PTPRQ: variants seen among roughly 807,000 people sequenced by gnomAD.
PTPRQ encodes phosphatidylinositol phosphatase PTPRQ.
Under a neutral mutation model 246.0 loss-of-function variants are expected in PTPRQ, and 199 were observed. That is an observed-to-expected ratio of 0.81 (90% confidence interval 0.72 to 0.91). The LOEUF is 0.91. Among genes scored for constraint, PTPRQ ranks in the 40% least tolerant of loss-of-function variants. The probability of loss-of-function intolerance (pLI) is 0.00; values close to 1 mark genes in which losing one functional copy is unlikely to be tolerated. For missense variants in PTPRQ, 2,624 were observed against 2,528.4 expected (o/e 1.04, Z -0.81); for synonymous variants, 869 against 853.2 (o/e 1.02, Z -0.32).
At chr12:80,654,865 AT>A (rs1900380393) in intron 38 of PTPRQ, among the ~76,000 whole-genome samples, 1 of 151,626 alleles carries the variant, frequency 6.6e-6, no homozygotes, top group Admixed American at 6.6e-5. Flanking sequence ...ATCTCAAAAA[AT>A]AATAATAATA....
chr12:80,631,638 T>C (rs1899439104), intron 33 of PTPRQ, among the ~76,000 whole-genome samples: 1 of 152,184 alleles, frequency 6.6e-6, no homozygotes, highest in Non-Finnish European at 1.5e-5. Context: ...ATAGTTTCTT[T>C]GGTGAAAATT....
At chr12:80,505,779 A>C (rs1469486854) in intron 14 of PTPRQ, among the ~76,000 whole-genome samples, 1 of 151,946 alleles carries the variant, frequency 6.6e-6, no homozygotes, top group African/African-American at 2.4e-5. Flanking sequence ...ATTTTAGTAA[A>C]CGTATCATCT....
intron 8 of PTPRQ, among the ~76,000 whole-genome samples, chr12:80,477,519 G>GA (rs1243300829): frequency 1.3e-5 from 2 of 152,148 alleles, no homozygotes; most frequent in African/African-American, 4.8e-5. Flanking sequence ...ACAATGTTTA[G>GA]AAATTTAGGC....
intron 25 of PTPRQ, among the ~76,000 whole-genome samples, chr12:80,574,803 G>A (rs2120970248): frequency 1.3e-5 from 2 of 152,252 alleles, no homozygotes; most frequent in South Asian, 4.1e-4. Flanking sequence ...GTGTATGTGT[G>A]CATGCACACT....
chr12:80,515,567 C>T (rs2120734834), intron 17 of PTPRQ, among the ~76,000 whole-genome samples: 1 of 151,634 alleles, frequency 6.6e-6, no homozygotes, highest in Non-Finnish European at 1.5e-5. Flanking sequence ...ATTACAGGTG[C>T]CCATTACCAC....
chr12:80,576,662 TC>T (rs1431165011), intron 25 of PTPRQ, among the ~76,000 whole-genome samples: 1 of 152,016 alleles, frequency 6.6e-6, no homozygotes, highest in African/African-American at 2.4e-5. Flanking sequence ...TTTTTTTTTT[TC>T]CTATTCTACT....
At chr12:80,452,379 T>G (rs1892794837) in intron 3 of PTPRQ, among the ~76,000 whole-genome samples, 1 of 152,190 alleles carries the variant, frequency 6.6e-6, no homozygotes, top group Non-Finnish European at 1.5e-5. Flanking sequence ...AAGTCAATAT[T>G]GTTATGTGTG....
At chr12:80,661,435 G>A (rs965788000) in intron 39 of PTPRQ, among the ~76,000 whole-genome samples, 8 of 149,678 alleles carry the variant, frequency 5.3e-5, no homozygotes, top group Non-Finnish European at 1.0e-4. Flanking sequence ...TTGTAATTTT[G>A]GAATAATTAT....
chr12:80,481,743 A>G (rs538515094), intron 8 of PTPRQ, among the ~76,000 whole-genome samples: 1 of 152,214 alleles, frequency 6.6e-6, no homozygotes, highest in East Asian at 1.9e-4. Context: ...AGACAAACAG[A>G]GAGCCAAATC....
chr12:80,506,070 T>C lies in PTPRQ; in HGVS notation c.2319T>C (p.Ser773=). 6.5e-7 allele frequency: 1 copy of C among 1,547,310 alleles called. No individual in the cohort carries two copies. The highest frequency in any genetic ancestry group is 8.7e-7 in the Non-Finnish European group (1 of 1,145,056). ...PENITYKNIS[S]GEIELSFLPP... ...ATATCACTTACAAAAATATTTCTTC[T>C]GGAGAGATTGAGCTATCATTCCTTC... The change falls in exon 15 of 45, where the codon TCT becomes TCC. Residue 773 remains serine, a synonymous_variant. Coordinates refer to ENST00000644991, the MANE Select transcript of PTPRQ (RefSeq NM_001145026.2).
At chr12:80,586,711 G>A (rs1256943576) in intron 25 of PTPRQ, 1 of 152,004 alleles carries the variant, frequency 6.6e-6, no homozygotes, top group Non-Finnish European at 1.5e-5. Context: ...ACTACAGTTG[G>A]CCCTCCAAAT....
At chr12:80,586,921 G>A (rs1420217500) in intron 25 of PTPRQ, among the ~76,000 whole-genome samples, 2 of 152,116 alleles carry the variant, frequency 1.3e-5, no homozygotes, top group Admixed American at 1.3e-4. Context: ...GAGAAGATGT[G>A]TGTAGTTTAT....
chr12:80,570,062 T>C (rs1194753588), intron 25 of PTPRQ, among the ~76,000 whole-genome samples: 2 of 152,198 alleles, frequency 1.3e-5, no homozygotes, highest in Non-Finnish European at 2.9e-5. Flanking sequence ...TGTGTCTTTA[T>C]AGTAGAGTGA....
intron 17 of PTPRQ, among the ~76,000 whole-genome samples, chr12:80,511,121 A>G (rs191431895): frequency 6.6e-6 from 1 of 152,316 alleles, no homozygotes; most frequent in Non-Finnish European, 1.5e-5. Context: ...TACAATTTAC[A>G]CAATACTTCG....
chr12:80,629,322 T>C (rs900044662), intron 33 of PTPRQ, among the ~76,000 whole-genome samples: 2 of 152,082 alleles, frequency 1.3e-5, no homozygotes, highest in African/African-American at 4.8e-5. Context: ...ACACTGGGGA[T>C]TAGGGCTTCA....
intron 35 of PTPRQ, 144 bp downstream of exon 35, chr12:80,635,217 C>T (rs1899599988): frequency 1.6e-6 from 2 of 1,269,204 alleles, no homozygotes; most frequent in Non-Finnish European, 2.1e-6. Context: ...CCTCCGTCTT[C>T]TACACACTTC....
At chr12:80,641,401 G>A (rs763336307) in intron 35 of PTPRQ, among the ~76,000 whole-genome samples, 21 of 152,126 alleles carry the variant, frequency 1.4e-4, no homozygotes, top group African/African-American at 4.3e-4. Context: ...AGAAGAATCC[G>A]TCTTCATGAG....
chr12:80,529,709 C>G (rs573275447), intron 17 of PTPRQ, among the ~76,000 whole-genome samples: 7 of 152,142 alleles, frequency 4.6e-5, no homozygotes, highest in African/African-American at 1.7e-4. Context: ...ATAACTTCAT[C>G]TTAGAGACTA....
intron 25 of PTPRQ, among the ~76,000 whole-genome samples, chr12:80,572,185 T>A (rs1448152639): frequency 2.0e-5 from 3 of 152,092 alleles, no homozygotes; most frequent in Non-Finnish European, 2.9e-5. Flanking sequence ...TCTCCATTTT[T>A]AAAATTATTT....
Sources: gnomAD v4.1 joint callset for allele counts (sites outside exome capture counted in the v4.1 genomes callset) on GRCh38, gnomAD v4.1.1 for gene constraint, MANE v1.5 for transcripts, NCBI Gene and HGNC (gene_info 2026-07-23, HGNC 2026-07-21) for gene names.